Variants in LSM14A observed in about 807,000 individuals in gnomAD.
LSM14A encodes the protein protein LSM14 homolog A.
A neutral mutation model predicts 52.4 loss-of-function variants in LSM14A; 14 were observed. The ratio of observed to expected loss-of-function variants is 0.27; its 90% CI spans 0.18 to 0.42. LSM14A has a LOEUF of 0.42. Among genes scored for constraint, LSM14A ranks in the 10% least tolerant of loss-of-function variants. LSM14A has a pLI of 1.00. For synonymous variants in LSM14A, 185 were observed against 200.3 expected, an observed-to-expected ratio of 0.92 and a Z score of 0.64; for missense variants, 417 against 581.8, an observed-to-expected ratio of 0.72 and a Z score of 2.91.
chr19:34,201,887 C>G (rs1249533212), intron 3 of LSM14A, among the ~76,000 whole-genome samples: 1 of 151,996 alleles, frequency 6.6e-6, no homozygotes, highest in Non-Finnish European at 1.5e-5. Flanking sequence ...AGTGGCACAA[C>G]CACAGGTCGC....
intron 3 of LSM14A, 146 bp from the exon 4 acceptor site, chr19:34,208,783 T>G: frequency 3.2e-6 from 2 of 633,054 alleles, no homozygotes; most frequent in Non-Finnish European, 5.3e-6. Context: ...TTCAGTACAC[T>G]TTAATTTCCA....
chr19:34,176,165 A>T (rs947587001), intron 1 of LSM14A, among the ~76,000 whole-genome samples: 9 of 152,164 alleles, frequency 5.9e-5, no homozygotes, highest in African/African-American at 2.2e-4. Flanking sequence ...CCAAAAGTTT[A>T]TTCATGGAAT....
intron 4 of LSM14A, among the ~76,000 whole-genome samples, chr19:34,214,110 A>G (rs1309683360): frequency 1.3e-5 from 2 of 152,138 alleles, no homozygotes; most frequent in African/African-American, 4.8e-5. Context: ...AAAACTTGCC[A>G]AGAGATCTTT....
chr19:34,194,383 A>G, intron 1 of LSM14A, 95 bp from the exon 2 acceptor site: 2 of 1,111,544 alleles, frequency 1.8e-6, no homozygotes, highest in Non-Finnish European at 2.6e-6. Context: ...TTTCAGAACT[A>G]CTGCTTAGTA....
chr19:34,213,854 C>T (rs1394840862), intron 4 of LSM14A, among the ~76,000 whole-genome samples: 1 of 152,216 alleles, frequency 6.6e-6, no homozygotes, highest in Non-Finnish European at 1.5e-5. Context: ...GATCTCGGCT[C>T]ACTACAACCT....
intron 9 of LSM14A, among the ~76,000 whole-genome samples, chr19:34,226,256 T>C (rs896899711): frequency 6.6e-6 from 1 of 152,082 alleles, no homozygotes; most frequent in Non-Finnish European, 1.5e-5. Context: ...AAATCACATC[T>C]GTGTTTCCTC....
chr19:34,201,405 C>T (rs1254544573), intron 3 of LSM14A, among the ~76,000 whole-genome samples: 2 of 152,152 alleles, frequency 1.3e-5, no homozygotes, highest in Non-Finnish European at 2.9e-5. Flanking sequence ...TGCAGTGGTG[C>T]GATCTCAGCT....
chr19:34,216,166 C>G (rs2072570549), intron 6 of LSM14A, among the ~76,000 whole-genome samples: 1 of 152,122 alleles, frequency 6.6e-6, no homozygotes, highest in African/African-American at 2.4e-5. Flanking sequence ...GTAATTCCAG[C>G]ACTTTGGGAG....
At chr19:34,189,774 A>G (rs1256080021) in intron 1 of LSM14A, among the ~76,000 whole-genome samples, 1 of 152,222 alleles carries the variant, frequency 6.6e-6, no homozygotes, top group African/African-American at 2.4e-5. Context: ...AAATCTGTGC[A>G]TCTTTGTAAT....
At chr19:34,207,605 C>T (rs1332007324) in intron 3 of LSM14A, among the ~76,000 whole-genome samples, 1 of 151,074 alleles carries the variant, frequency 6.6e-6, no homozygotes, top group Non-Finnish European at 1.5e-5. Context: ...AATATTGGCT[C>T]ATTGCAACCT....
chr19:34,185,434 G>A (rs1599666407), intron 1 of LSM14A, among the ~76,000 whole-genome samples: 2 of 152,214 alleles, frequency 1.3e-5, no homozygotes, highest in Admixed American at 1.3e-4. Flanking sequence ...GAAGAAAGTA[G>A]TGTGGGTAAG....
intron 3 of LSM14A, among the ~76,000 whole-genome samples, chr19:34,199,623 T>C (rs2071144866): frequency 6.6e-6 from 1 of 152,172 alleles, no homozygotes; most frequent in African/African-American, 2.4e-5. Flanking sequence ...AAAAACTGGT[T>C]ATTTCCTAGC....
intron 1 of LSM14A, among the ~76,000 whole-genome samples, chr19:34,174,195 C>T (rs954428744): frequency 3.3e-5 from 5 of 152,104 alleles, no homozygotes; most frequent in East Asian, 1.9e-4. Flanking sequence ...GTGATCCACC[C>T]GCCTCGGCCA....
intron 6 of LSM14A, 109 bp downstream of exon 6, chr19:34,215,770 G>A (rs77594690): frequency 0.02 from 15,596 of 767,268 alleles, 220 homozygotes; most frequent in South Asian, 0.03. Flanking sequence ...GGTTGTGACT[G>A]TAAAGGAGGA....
intron 8 of LSM14A, 86 bp from the exon 9 acceptor site, chr19:34,221,421 C>A: frequency 1.4e-6 from 2 of 1,393,820 alleles, no homozygotes; most frequent in South Asian, 1.4e-5. Context: ...ATTACTTAGG[C>A]TTAATTTGGG....
At chr19:34,192,426 G>A (rs574660872) in intron 1 of LSM14A, among the ~76,000 whole-genome samples, 33 of 138,882 alleles carry the variant, frequency 2.4e-4, no homozygotes, top group African/African-American at 8.7e-4. Context: ...CTTGAGTTCA[G>A]CCAATCCTCC....
intron 9 of LSM14A, chr19:34,226,521 G>T: frequency 7.2e-7 from 1 of 1,390,422 alleles, no homozygotes; most frequent in Non-Finnish European, 9.6e-7. Flanking sequence ...GGGACAGCAG[G>T]TTCATCTTGT....
rs1287746965 is a variant in LSM14A, at chr19:34,192,583, G to A, written c.122-1895G>A. Among the ~76,000 whole-genome samples the A allele has an allele frequency of 3.1e-5, 4 of 130,288 alleles. No individual in the cohort carries two copies. In the East Asian group the frequency reaches 1.1e-3, roughly 35 times the overall value. 85.5% of individuals were successfully genotyped at this position (130,288 alleles called of 152,430 possible). ...GACCTCAAGTGATCTGCCCACCTTG[G>A]CCTCCCAAAGTGCTGGGATTGCAGG... On this transcript the variant is annotated intron_variant, in intron 1 of 9. Coordinates refer to ENST00000544216, the MANE Select transcript of LSM14A (RefSeq NM_015578.4).
At position 34,209,022 on chromosome 19, in the gene LSM14A, C is replaced by T. The variant is rs764222496; in HGVS notation, c.509C>T (p.Thr170Ile). Residue 170 changes from threonine (T) to isoleucine (I), a missense_variant, in exon 4 of 10, where the codon ACA (threonine) becomes ATA (isoleucine). Physicochemically the swap from Thr to Ile is moderately conservative, Grantham distance 89 (BLOSUM62 -1). Around this residue, in one of 2 missense-constraint regions of LSM14A, gnomAD observed 357 missense variants for 457.0 expected, o/e 0.78. Coordinates refer to ENST00000544216, the MANE Select transcript of LSM14A (RefSeq NM_015578.4). The stretch of plus-strand genomic sequence containing the variant: ...GTTGGTTCTGCCTTTACACAGGATA[C>T]AAGATCTCTAAAAACACAGTTATCT... ...SAVGSAFTQD[T>I]RSLKTQLSQG... The T allele has an allele frequency of 8.8e-6, 14 of 1,593,434 alleles. No homozygotes were observed. The highest frequency in any genetic ancestry group is 1.7e-4 in the Middle Eastern group (1 of 6,020).
Sources: gnomAD v4.1 joint callset for allele counts (sites outside exome capture counted in the v4.1 genomes callset) on GRCh38, gnomAD v4.1.1 for gene constraint, gnomAD v4.1.1 regional missense constraint, MANE v1.5 for transcripts, NCBI Gene and HGNC (gene_info 2026-07-23, HGNC 2026-07-21) for gene names.